Variants in SETD1B observed in about 807,000 individuals in gnomAD.
SETD1B encodes histone-lysine N-methyltransferase SETD1B.
SETD1B carries 7 observed loss-of-function variants against 148.0 expected under a neutral mutation model. The observed-to-expected ratio is 0.05, with a 90% CI of 0.03 to 0.09. The LOEUF (loss-of-function observed/expected upper bound fraction) is 0.09. Ranked by LOEUF, SETD1B falls within the 10% of genes least tolerant of loss-of-function variation. SETD1B has a pLI of 1.00. For synonymous variants in SETD1B, 1,361 were observed against 1,186.5 expected, an observed-to-expected ratio of 1.15 and a Z score of -3.02; for missense variants, 2,155 against 2,729.9, an observed-to-expected ratio of 0.79 and a Z score of 4.69.
chr12:121,823,105 C>A lies in SETD1B; in HGVS notation c.4526C>A (p.Ala1509Asp). 2 of 1,008,006 alleles carry A rather than the reference C, an allele frequency of 2.0e-6. No individual in the cohort carries two copies. The highest frequency in any genetic ancestry group is 5.2e-5 in the East Asian group (1 of 19,364). 62.4% of individuals were successfully genotyped at this position (1,008,006 alleles called of 1,614,324 possible). A position where few individuals can be genotyped will look rare whatever the true frequency, so the allele number is the denominator to read the frequency against. ...PLPPLLPAPL[A>D]SCPPPMKRKP... ...CCACCCCTGCTGCCCGCCCCCCTGGCCTCTTGCCCTCCCCCAATGAAGAGG... is the reference window on the plus strand; with the variant it reads ...CCACCCCTGCTGCCCGCCCCCCTGGACTCTTGCCCTCCCCCAATGAAGAGG... Residue 1509 changes from alanine to aspartate, a missense_variant, in exon 12 of 17, where the codon GCC (alanine) becomes GAC (aspartate). Transcript: ENST00000604567.
chr12:121,795,525 C>G, the SETD1B span: 1 of 152,248 alleles, frequency 6.6e-6, no homozygotes, highest in East Asian at 1.9e-4. Flanking sequence ...GAGGGGAGGC[C>G]AGGCAGGGCT....
Position 121,819,965 on chromosome 12 carries a change from G to A in SETD1B, c.3910+70G>A, listed in dbSNP as rs1012009240. 3.9e-5 allele frequency: 52 copies of A among 1,319,150 alleles called. No homozygotes were observed. In the African/African-American group the frequency reaches 5.6e-4, roughly 14 times the overall value. The allele number at this position is 1,319,150 out of a possible 1,614,324, so 81.7% of individuals were successfully genotyped here. On this transcript the variant is annotated intron_variant, in intron 11 of 16. Coordinates refer to ENST00000604567, the MANE Select transcript of SETD1B (RefSeq NM_001353345.2). The stretch of plus-strand genomic sequence containing the variant: ...AAGTCCTCACTGTCAGAATCAGCCC[G>A]GGCTTCCTGGGGTAGATCGCTGACC...
chr12:121,819,022 A>G, intron 10 of SETD1B, among the ~76,000 whole-genome samples: 1 of 152,112 alleles, frequency 6.6e-6, no homozygotes, highest in East Asian at 1.9e-4. Context: ...AGGCAAGTGG[A>G]TCACCTGAGG....
Position 121,825,335 on chromosome 12 carries a change from C to A in SETD1B, c.5306C>A (p.Ala1769Asp), listed in dbSNP as rs1334032407. 6.4e-7 allele frequency: 1 copy of A among 1,551,244 alleles called. No homozygotes were observed. The highest frequency in any genetic ancestry group is 8.7e-7 in the Non-Finnish European group (1 of 1,147,040). ...CTCAGATACCTCAACAGCAGCCGTG[C>A]CAGCACCGATGAGCCCCCCGCAGAC... is the stretch of plus-strand genomic sequence containing the variant. The part of the protein sequence containing the change: ...DKLRYLNSSR[A>D]STDEPPADTQ... The change falls in exon 13 of 17, where the codon GCC becomes GAC. Residue 1769 changes from alanine (A) to aspartate (D), a missense_variant. Around this residue, in one of 11 missense-constraint regions of SETD1B, gnomAD observed 96 missense variants for 148.7 expected, o/e 0.65. Transcript: ENST00000604567.
intron 12 of SETD1B, among the ~76,000 whole-genome samples, chr12:121,824,090 G>A (rs1154507): frequency 0.98 from 149,578 of 152,324 alleles, 73,504 homozygotes; most frequent in South Asian, 1. Context: ...AGGTAATCCC[G>A]GTAGCCTGGT....
the SETD1B span, chr12:121,793,765 G>T: frequency 1.3e-6 from 1 of 764,628 alleles, no homozygotes; most frequent in Non-Finnish European, 1.9e-6. Flanking sequence ...CCTCCCGGCC[G>T]ACCTCCCAGC....
chr12:121,803,950 A>G (rs1312538500), upstream of SETD1B: 4 of 157,838 alleles, frequency 2.5e-5, no homozygotes, highest in Non-Finnish European at 2.8e-5. This position sits in a 1 kb window ranked among gnomAD's most constrained non-coding sequence, Gnocchi z 4.7. Context: ...GGGAGGAGGA[A>G]GAGGAGGAGG....
At chr12:121,802,918 ATC>A (rs1875463469), upstream of SETD1B, 1 of 152,200 alleles carries the variant, frequency 6.6e-6, no homozygotes, top group Non-Finnish European at 1.5e-5. Flanking sequence ...GGCTTCCCTC[ATC>A]TGTTGGCCTC....
Position 121,817,207 on chromosome 12 carries a change from G to A in SETD1B, c.2890G>A (p.Val964Ile), listed in dbSNP as rs1262226175. Residue 964 changes from valine to isoleucine, a missense_variant, in exon 8 of 17, where the codon GTC becomes ATC. Physicochemically the swap from Val to Ile is conservative, Grantham distance 29. Transcript: ENST00000604567. The surrounding 1 kb of genome is among the most constrained non-coding windows in gnomAD (Gnocchi z 8.1). The stretch of plus-strand genomic sequence containing the variant: ...GGCCATTCGCCTGCCCTCCTTCAAG[G>A]TCAAGAGGAAGGAGCCACCAGACAC... ...RGAIRLPSFKVKRKEPPDTTS... is the reference protein window; with the variant it reads ...RGAIRLPSFKIKRKEPPDTTS... The A allele has an allele frequency of 6.4e-7, 1 of 1,550,588 alleles. No individual in the cohort carries two copies. The highest frequency in any genetic ancestry group is 8.7e-7 in the Non-Finnish European group (1 of 1,146,950).
chr12:121,817,316 G>T lies in SETD1B; in HGVS notation c.2977+22G>T. ...GAAGGTTCGTGCTCTGGGTGCTGGG[G>T]TCCCCTTCTTCCGCATCCCCCCAGC... On this transcript the variant is annotated intron_variant, in intron 8 of 16. Transcript: ENST00000604567. This position sits in a 1 kb window ranked among gnomAD's most constrained non-coding sequence, Gnocchi z 8.1. 6 of 1,544,986 alleles carry T rather than the reference G, an allele frequency of 3.9e-6. No homozygotes were observed. The highest frequency in any genetic ancestry group is 3.6e-5 in the South Asian group (3 of 83,430).
At position 121,810,111 on chromosome 12, in the gene SETD1B, C is replaced by A; in HGVS notation, c.1166C>A (p.Pro389His). ...AHTPPPAQAT[P>H]APGFKSAFSP... ...ACTCCACCACCCGCCCAAGCAACCCCTGCTCCTGGATTCAAGTCTGCTTTC... is the reference window on the plus strand; with the variant it reads ...ACTCCACCACCCGCCCAAGCAACCCATGCTCCTGGATTCAAGTCTGCTTTC... The change falls in exon 6 of 17, where the codon CCT (proline) becomes CAT (histidine). Residue 389 changes from proline to histidine, a missense_variant. Physicochemically the swap from Pro to His is moderately conservative, Grantham distance 77. This residue lies in a region of SETD1B where 376 missense variants were observed against 385.0 expected (regional missense o/e 0.98). Coordinates refer to ENST00000604567, the MANE Select transcript of SETD1B (RefSeq NM_001353345.2). This position sits in a 1 kb window ranked among gnomAD's most constrained non-coding sequence, Gnocchi z 7.6. 6.5e-7 allele frequency: 1 copy of A among 1,550,206 alleles called. No homozygotes were observed. The highest frequency in any genetic ancestry group is 8.7e-7 in the Non-Finnish European group (1 of 1,146,924).
At position 121,819,625 on chromosome 12, in the gene SETD1B, G is replaced by A. The variant is rs1042595554; in HGVS notation, c.3640G>A (p.Glu1214Lys). 1.3e-6 allele frequency: 2 copies of A among 1,551,882 alleles called. No individual in the cohort carries two copies. Among genetic ancestry groups the A allele is most frequent in the Admixed American group, 3.9e-5 (2 of 51,016 alleles). The change falls in exon 11 of 17, where the codon GAG becomes AAG. Residue 1214 changes from glutamate (E) to lysine (K), a missense_variant. By Grantham distance (56) the Glu-to-Lys change is moderately conservative. Around this residue, in one of 11 missense-constraint regions of SETD1B, gnomAD observed 862 missense variants for 873.8 expected, o/e 0.99. Coordinates refer to ENST00000604567, the MANE Select transcript of SETD1B (RefSeq NM_001353345.2). ...CCCTGAGGACTTTGAGCAGGACGGG[G>A]AGGAAGCGGCTCTGGCCCCGGGGGC... ...AGPEDFEQDGEEAALAPGAPA... is the reference protein window; with the variant it reads ...AGPEDFEQDGKEAALAPGAPA...
rs769800595 is a variant in SETD1B at position 121,809,879 on chromosome 12, C to T, written c.934C>T (p.Arg312Cys). The T allele has an allele frequency of 1.3e-6, 2 of 1,551,038 alleles. No individual in the cohort carries two copies. Among genetic ancestry groups the T allele is most frequent in the Non-Finnish European group, 1.7e-6 (2 of 1,146,964 alleles). ...CCCTGCAGTGACCTTCAAGGCCCGG[C>T]GCCACGAGAGCAAGTTCACGGACGC... ...QDPAVTFKAR[R>C]HESKFTDAYN... is the part of the protein sequence containing the mutation. Residue 312 changes from arginine to cysteine, a missense_variant, in exon 6 of 17, where the codon CGC (arginine) becomes TGC (cysteine). Arg to Cys is a radical substitution (Grantham distance 180). Around this residue, in one of 11 missense-constraint regions of SETD1B, gnomAD observed 376 missense variants for 385.0 expected, o/e 0.98. Coordinates refer to ENST00000604567, the MANE Select transcript of SETD1B (RefSeq NM_001353345.2).
chr12:121,817,527 G>T lies in SETD1B; in HGVS notation c.3135G>T (p.Ser1045=), dbSNP rs574075717. The change falls in exon 9 of 17, where the codon TCG becomes TCT. Residue 1045 remains serine, a synonymous_variant. Transcript: ENST00000604567. This position sits in a 1 kb window ranked among gnomAD's most constrained non-coding sequence, Gnocchi z 8.1. ...EDEKESLSAS[S]SSSASSSSGS... ...AGAAGGAGTCATTGTCGGCGTCCTC[G>T]TCCTCATCCGCGTCATCATCCTCGG... The T allele has an allele frequency of 2.9e-5, 45 of 1,551,412 alleles. No individual in the cohort carries two copies. The highest frequency in any genetic ancestry group is 3.8e-5 in the Non-Finnish European group (44 of 1,146,982).
Position 121,810,283 on chromosome 12 carries a change from G to A in SETD1B, c.1338G>A (p.Glu446=), listed in dbSNP as rs1875962869. The change falls in exon 6 of 17, where the codon GAG becomes GAA. Residue 446 remains glutamate, a synonymous_variant. Transcript: ENST00000604567. This position sits in a 1 kb window ranked among gnomAD's most constrained non-coding sequence, Gnocchi z 7.6. Reference sequence around the variant, plus strand: ...CACCTGCTGAGCCTCTGGCCAAGGAGAAGCCAGGCACGCCACCCGGCCCGC... The same window carrying A: ...CACCTGCTGAGCCTCTGGCCAAGGAAAAGCCAGGCACGCCACCCGGCCCGC... The part of the protein sequence containing the change: ...PLPPAEPLAK[E]KPGTPPGPPP... 3 of 1,544,092 alleles carry A rather than the reference G, an allele frequency of 1.9e-6. No homozygotes were observed. The highest frequency in any genetic ancestry group is 2.4e-5 in the East Asian group (1 of 40,880).
At chr12:121,815,581 C>T (rs534043613) in intron 7 of SETD1B, among the ~76,000 whole-genome samples, 75 of 152,234 alleles carry the variant, frequency 4.9e-4, no homozygotes, top group African/African-American at 1.8e-3. Context: ...GCAATCATAG[C>T]TCACTGCACC....
chr12:121,807,444 T>TAAAA (rs33988047), intron 4 of SETD1B, among the ~76,000 whole-genome samples: 4 of 132,728 alleles, frequency 3.0e-5, no homozygotes, highest in Admixed American at 7.3e-5. Flanking sequence ...TTCAATTCTG[T>TAAAA]AAAAAAAAAA....
chr12:121,820,766 C>T (rs1177373059), intron 11 of SETD1B, among the ~76,000 whole-genome samples: 1 of 152,210 alleles, frequency 6.6e-6, no homozygotes, highest in Non-Finnish European at 1.5e-5. Context: ...ATCTCCTGAC[C>T]TCATGATCCA....
intron 11 of SETD1B, among the ~76,000 whole-genome samples, chr12:121,821,756 TA>T (rs1438222165): frequency 6.6e-6 from 1 of 151,448 alleles, no homozygotes. Flanking sequence ...CTCGAAAAAA[TA>T]AAAATAAAAT....
Sources: gnomAD v4.1 joint callset for allele counts (sites outside exome capture counted in the v4.1 genomes callset) on GRCh38, gnomAD v4.1.1 for gene constraint, gnomAD v4.1.1 regional missense constraint, Gnocchi (gnomAD v3.1) non-coding constraint, MANE v1.5 for transcripts, NCBI Gene and HGNC (gene_info 2026-07-23, HGNC 2026-07-21) for gene names.